The following NAV2 variants were observed in gnomAD, a reference collection of about 807,000 sequenced individuals.
NAV2 encodes the protein helicase, APC down-regulated 1.
NAV2 carries 54 observed loss-of-function variants against 223.2 expected under a neutral mutation model. That is an observed-to-expected ratio of 0.24 (90% CI 0.19 to 0.30). The LOEUF (loss-of-function observed/expected upper bound fraction) is 0.30. Among genes scored for constraint, NAV2 ranks in the 10% least tolerant of loss-of-function variants. The pLI is 1.00. For synonymous variants in NAV2, 1,279 were observed against 1,239.3 expected (o/e 1.03, Z -0.67); for missense variants, 2,806 against 3,147.5 (o/e 0.89, Z 2.60).
At chr11:19,846,736 C>A (rs1590860950) in intron 3 of NAV2, among the ~76,000 whole-genome samples, 1 of 152,194 alleles carries the variant, frequency 6.6e-6, no homozygotes. Flanking sequence ...AAGCCTGATG[C>A]TTTTCCATCA....
chr11:19,660,086 C>T (rs924722296), intron 1 of NAV2, among the ~76,000 whole-genome samples: 4 of 152,038 alleles, frequency 2.6e-5, no homozygotes, highest in Non-Finnish European at 4.4e-5. Flanking sequence ...AGAGGAGTAC[C>T]CCAGGCATCC....
chr11:19,376,334 G>C (rs992453428), intron 1 of NAV2, among the ~76,000 whole-genome samples: 3 of 152,164 alleles, frequency 2.0e-5, no homozygotes, highest in Non-Finnish European at 4.4e-5. Context: ...ACAGATAATA[G>C]GTACATGACA....
chr11:19,632,159 G>A (rs1209663893), intron 1 of NAV2, among the ~76,000 whole-genome samples: 1 of 152,206 alleles, frequency 6.6e-6, no homozygotes, highest in Non-Finnish European at 1.5e-5. Context: ...TTTCCTGCCT[G>A]GCACAGGGAT....
intron 22 of NAV2, among the ~76,000 whole-genome samples, chr11:20,070,689 T>C (rs1482608674): frequency 6.6e-6 from 1 of 152,188 alleles, no homozygotes; most frequent in Non-Finnish European, 1.5e-5. Context: ...CAAAACCACC[T>C]TCTCTGAGTG....
chr11:19,423,322 G>T (rs570345565), intron 1 of NAV2, among the ~76,000 whole-genome samples: 1 of 152,294 alleles, frequency 6.6e-6, no homozygotes, highest in South Asian at 2.1e-4. Flanking sequence ...ACCACTGGTG[G>T]CTATTTTTGT....
intron 11 of NAV2, among the ~76,000 whole-genome samples, chr11:20,012,309 C>T (rs2053621790): frequency 6.6e-6 from 1 of 152,098 alleles, no homozygotes; most frequent in Non-Finnish European, 1.5e-5. Flanking sequence ...TGGTTTTTGC[C>T]ATTACTCTTA....
At chr11:19,429,935 G>GA (rs1202950075) in intron 1 of NAV2, among the ~76,000 whole-genome samples, 1 of 152,122 alleles carries the variant, frequency 6.6e-6, no homozygotes, top group East Asian at 1.9e-4. Flanking sequence ...TTAGCTATTA[G>GA]AAAAAAAGTG....
At chr11:19,375,896 A>C (rs1353427782) in intron 1 of NAV2, among the ~76,000 whole-genome samples, 1 of 152,256 alleles carries the variant, frequency 6.6e-6, no homozygotes, top group Admixed American at 6.5e-5. Context: ...TATTAAAAAC[A>C]CAAATATCAT....
Position 20,079,851 on chromosome 11 carries a change from G to A in NAV2, c.5180-213G>A, listed in dbSNP as rs982922573. Among the ~76,000 whole-genome samples, 3 of 152,200 alleles carry A rather than the reference G, an allele frequency of 2.0e-5. No homozygotes were observed. In the South Asian group the frequency reaches 6.2e-4, roughly 31 times the overall value. On this transcript the variant is annotated intron_variant, in intron 24 of 37. Coordinates refer to ENST00000349880, the MANE Select transcript of NAV2 (RefSeq NM_145117.5). ...TCCCTTGACTTCTGTTTTGTAAAGTGGGGAGAGATAGACCTCATTTAATTG... is the reference window on the plus strand; with the variant it reads ...TCCCTTGACTTCTGTTTTGTAAAGTAGGGAGAGATAGACCTCATTTAATTG...
intron 7 of NAV2, among the ~76,000 whole-genome samples, chr11:19,935,862 T>TTGTTTTTG (rs1555156808): frequency 8.9e-6 from 1 of 112,910 alleles, no homozygotes; most frequent in Non-Finnish European, 1.9e-5. Context: ...TTTTTTTTTT[T>TTGTTTTTG]TTTTTTTTTT....
chr11:19,499,763 G>A (rs1340989566), intron 1 of NAV2, among the ~76,000 whole-genome samples: 3 of 152,174 alleles, frequency 2.0e-5, no homozygotes, highest in Admixed American at 2.0e-4. Context: ...GGTTATAAGA[G>A]CACATCAAAT....
rs10524489 is a variant in NAV2, at chr11:19,897,886, TTA to T, written c.931+5310_931+5311del. ...GCCACAGCTGTGCCTGACCTGTGATTTATATATATATATATATATGTGAGCAG... is the reference window on the plus strand; with the variant it reads ...GCCACAGCTGTGCCTGACCTGTGATTTATATATATATATATATGTGAGCAG... On this transcript the variant is annotated intron_variant, in intron 6 of 37. Transcript: ENST00000349880. Among the ~76,000 whole-genome samples, 466 of 120,258 alleles carry T rather than the reference TTA, an allele frequency of 3.9e-3. 35 individuals are homozygous for T. Among genetic ancestry groups the T allele is most frequent in the African/African-American group, 0.012 (345 of 29,648 alleles). 78.9% of individuals were successfully genotyped at this position (120,258 alleles called of 152,430 possible).
At chr11:19,955,973 A>T (rs1565638444) in intron 10 of NAV2, among the ~76,000 whole-genome samples, 1 of 152,190 alleles carries the variant, frequency 6.6e-6, no homozygotes, top group East Asian at 1.9e-4. Flanking sequence ...GCATCTCGAG[A>T]TTTGGAAAGG....
At chr11:20,026,436 G>A (rs1257335137) in intron 11 of NAV2, among the ~76,000 whole-genome samples, 5 of 151,812 alleles carry the variant, frequency 3.3e-5, no homozygotes, top group African/African-American at 4.8e-5. Flanking sequence ...TCAGCCTCCC[G>A]AGTAGCTAGG....
At chr11:19,831,830 A>G (rs561388803) in intron 1 of NAV2, among the ~76,000 whole-genome samples, 32 of 152,334 alleles carry the variant, frequency 2.1e-4, no homozygotes, top group African/African-American at 7.5e-4. Context: ...TTGTGTTTAA[A>G]TATGTTGGAA....
At chr11:19,524,750 C>G (rs936040528) in intron 1 of NAV2, among the ~76,000 whole-genome samples, 2 of 152,162 alleles carry the variant, frequency 1.3e-5, no homozygotes, top group Non-Finnish European at 2.9e-5. Context: ...AGTCCCAGCA[C>G]CCCACTCTCA....
At chr11:19,477,195 G>A (rs988053087) in intron 1 of NAV2, among the ~76,000 whole-genome samples, 1 of 152,158 alleles carries the variant, frequency 6.6e-6, no homozygotes, top group Non-Finnish European at 1.5e-5. Flanking sequence ...GATAAGCATT[G>A]ATGAGGGTAT....
intron 1 of NAV2, among the ~76,000 whole-genome samples, chr11:19,575,031 A>C (rs563134559): frequency 6.6e-6 from 1 of 152,330 alleles, no homozygotes; most frequent in East Asian, 1.9e-4. Context: ...CAGTAAAGAC[A>C]CAGCTTTGCA....
intron 1 of NAV2, among the ~76,000 whole-genome samples, chr11:19,540,905 A>G (rs758566695): frequency 6.6e-6 from 1 of 152,188 alleles, no homozygotes; most frequent in Non-Finnish European, 1.5e-5. Context: ...AAAGAAAGAC[A>G]AGAAAAGAAG....
Sources: allele counts gnomAD v4.1 joint callset (sites outside exome capture counted in the v4.1 genomes callset), GRCh38; gene constraint gnomAD v4.1.1; transcripts MANE v1.5; gene names NCBI Gene and HGNC (gene_info 2026-07-23, HGNC 2026-07-21).